The following SPTBN1 variants were observed in gnomAD, a reference collection of about 807,000 sequenced individuals.
SPTBN1 encodes spectrin beta chain, non-erythrocytic 1.
Under a neutral mutation model 266.4 loss-of-function variants are expected in SPTBN1, and 32 were observed. The observed-to-expected ratio is 0.12, with a 90% CI of 0.09 to 0.16. SPTBN1 has a LOEUF of 0.16. SPTBN1 is among the 10% of genes least tolerant of loss of function. The pLI, the probability that SPTBN1 is intolerant of heterozygous loss-of-function variation, is 1.00. For missense variants in SPTBN1, 2,296 were observed against 3,067.1 expected (o/e 0.75, Z 5.94); for synonymous variants, 1,336 against 1,162.2 (o/e 1.15, Z -3.04).
chr2:54,468,032 G>A (rs1693725903), intron 1 of SPTBN1, among the ~76,000 whole-genome samples: 1 of 152,146 alleles, frequency 6.6e-6, no homozygotes, highest in African/African-American at 2.4e-5. Flanking sequence ...TTCTCGGCCA[G>A]GTGCGGTGGC....
chr2:54,509,428 TAG>T (rs1669739946), intron 1 of SPTBN1, among the ~76,000 whole-genome samples: 3 of 152,174 alleles, frequency 2.0e-5, no homozygotes, highest in African/African-American at 7.2e-5. Context: ...ATGAGAACTA[TAG>T]AGAGTGAGTT....
Position 54,631,170 on chromosome 2 carries a change from C to T in SPTBN1, c.3123C>T (p.Ser1041=), listed in dbSNP as rs1169473134. 8 of 1,614,064 alleles carry T rather than the reference C, an allele frequency of 5.0e-6. No homozygotes were observed. Among genetic ancestry groups the T allele is most frequent in the African/African-American group, 1.3e-5 (1 of 74,932 alleles). The part of the protein sequence containing the change: ...QAILSRLAEI[S]DVWEEMKTTL... Reference sequence around the variant, plus strand: ...TCCTGTCTCGGCTGGCCGAGATCAGCGACGTGTGGGAGGAGATGAAGACCA... The same window carrying T: ...TCCTGTCTCGGCTGGCCGAGATCAGTGACGTGTGGGAGGAGATGAAGACCA... The change falls in exon 16 of 36, where the codon AGC becomes AGT. Residue 1041 remains serine (S), a synonymous_variant. Coordinates refer to ENST00000356805, the MANE Select transcript of SPTBN1 (RefSeq NM_003128.3).
chr2:54,634,615 T>C (rs1275089401), intron 17 of SPTBN1, among the ~76,000 whole-genome samples: 2 of 152,202 alleles, frequency 1.3e-5, no homozygotes, highest in East Asian at 1.9e-4. Context: ...TTGTCAGTTA[T>C]GAAAACACAC....
At chr2:54,665,798 G>T in intron 33 of SPTBN1, 117 bp from the exon 34 acceptor site, 1 of 1,205,090 alleles carries the variant, frequency 8.3e-7, no homozygotes, top group Admixed American at 2.5e-5. Context: ...TTGAGGGTTG[G>T]GTGGGGTCAC....
In SPTBN1 at chr2:54,668,704, G is replaced by A; in HGVS notation, c.*135G>A. The stretch of plus-strand genomic sequence containing the variant: ...GATTTTTTTTTTTTTTTAATTTATA[G>A]AGCATTTCGGGGGGGGTGGGGGAAA... On this transcript the variant is annotated 3_prime_UTR_variant, in exon 36 of 36. Transcript: ENST00000356805. The A allele has an allele frequency of 3.3e-6, 2 of 607,950 alleles. No homozygotes were observed. Among genetic ancestry groups the A allele is most frequent in the South Asian group, 2.0e-5 (1 of 50,592 alleles). The allele number at this position is 607,950 out of a possible 1,614,324, so 37.7% of individuals were successfully genotyped here.
intron 2 of SPTBN1, among the ~76,000 whole-genome samples, chr2:54,541,192 G>T (rs1419998620): frequency 6.6e-6 from 1 of 152,184 alleles, no homozygotes; most frequent in African/African-American, 2.4e-5. Flanking sequence ...TAAGCCTACA[G>T]ACCAAATCTA....
chr2:54,487,278 A>T (rs553077014), intron 1 of SPTBN1, among the ~76,000 whole-genome samples: 1 of 137,456 alleles, frequency 7.3e-6, no homozygotes, highest in Non-Finnish European at 1.5e-5. Flanking sequence ...AATTTTGTCT[A>T]TTATCAGAAA....
chr2:54,650,018 G>A, intron 26 of SPTBN1, 29 bp downstream of exon 26: 3 of 1,577,066 alleles, frequency 1.9e-6, no homozygotes, highest in South Asian at 1.1e-5. Flanking sequence ...CAGGGGTGCT[G>A]GGGAGGCTTT....
At chr2:54,504,403 A>C (rs530509091) in intron 1 of SPTBN1, among the ~76,000 whole-genome samples, 1 of 152,366 alleles carries the variant, frequency 6.6e-6, no homozygotes, top group South Asian at 2.1e-4. Flanking sequence ...CAGCCTAAGC[A>C]GTACAGCTGG....
rs181100845 is a variant in SPTBN1 at position 54,507,604 on chromosome 2, G to A, written c.-47-18768G>A. Among the ~76,000 whole-genome samples the A allele has an allele frequency of 3.5e-3, 531 of 152,240 alleles. 6 individuals carry two copies. The highest frequency in any genetic ancestry group is 0.012 in the African/African-American group (497 of 41,538). On this transcript the variant is annotated intron_variant, in intron 1 of 35. Coordinates refer to ENST00000356805, the MANE Select transcript of SPTBN1 (RefSeq NM_003128.3). ...ACACAAGGTCTGAATAAGAGAAGGA[G>A]AAAAACAGGTATAAAAGGACTAAGA...
At chr2:54,577,213 T>TG (rs1254723369) in intron 2 of SPTBN1, among the ~76,000 whole-genome samples, 1 of 152,218 alleles carries the variant, frequency 6.6e-6, no homozygotes, top group East Asian at 1.9e-4. Flanking sequence ...ACAAGTGACT[T>TG]GCATTTCAGT....
rs1291461717 is a variant in SPTBN1 at position 54,631,021 on chromosome 2, A to G, written c.2974A>G (p.Met992Val). 1 of 1,614,082 alleles carries G rather than the reference A, an allele frequency of 6.2e-7. No homozygotes were observed. Reference protein sequence around the residue: ...QDLGNDLAGVMALQRKLTGME... With the variant: ...QDLGNDLAGVVALQRKLTGME... ...CCTGGGCAATGACCTGGCTGGCGTC[A>G]TGGCCCTGCAGCGCAAGCTGACCGG... The change falls in exon 16 of 36, where the codon ATG becomes GTG. Residue 992 changes from methionine to valine, a missense_variant. Met to Val is a conservative substitution (Grantham distance 21). Around this residue, in one of 12 missense-constraint regions of SPTBN1, gnomAD observed 128 missense variants for 176.5 expected, o/e 0.73. Transcript: ENST00000356805.
At chr2:54,468,235 A>G (rs1693736044) in intron 1 of SPTBN1, among the ~76,000 whole-genome samples, 1 of 152,148 alleles carries the variant, frequency 6.6e-6, no homozygotes, top group African/African-American at 2.4e-5. Context: ...TGAACCCAGG[A>G]GGTGGAGGTT....
chr2:54,653,562 A>T lies in SPTBN1; in HGVS notation c.5578-47A>T. 6.3e-7 allele frequency: 1 copy of T among 1,595,804 alleles called. No homozygotes were observed. Among genetic ancestry groups the T allele is most frequent in the African/African-American group, 1.4e-5 (1 of 73,776 alleles). ...GAATAGGGCTTGGGGTGATGGTGGG[A>T]AGGCCGCCATGGGCTGACCTGGCTC... On this transcript the variant is annotated intron_variant, in intron 26 of 35. Transcript: ENST00000356805. The surrounding 1 kb of genome is among the most constrained non-coding windows in gnomAD (Gnocchi z 5.1).
In SPTBN1 at chr2:54,659,923, T is replaced by C. The variant is rs1322803673; in HGVS notation, c.6357-13T>C. The C allele has an allele frequency of 6.2e-7, 1 of 1,612,688 alleles. No individual in the cohort carries two copies. The highest frequency in any genetic ancestry group is 8.5e-7 in the Non-Finnish European group (1 of 1,178,966). On this transcript the variant is annotated splice_polypyrimidine_tract_variant and intron_variant, in intron 31 of 35. Coordinates refer to ENST00000356805, the MANE Select transcript of SPTBN1 (RefSeq NM_003128.3). ...TTCCTTTCCCTTCCTCCTTTTCCCC[T>C]CTTCCCTAACAGGGATACTTCAAAA... is the stretch of plus-strand genomic sequence containing the variant.
chr2:54,537,586 C>T (rs972106544), intron 2 of SPTBN1, among the ~76,000 whole-genome samples: 3 of 152,132 alleles, frequency 2.0e-5, no homozygotes, highest in African/African-American at 7.2e-5. Context: ...TATAGTAGGA[C>T]TTTTGGGGAA....
intron 8 of SPTBN1, 87 bp from the exon 9 acceptor site, chr2:54,622,213 T>G (rs1678034512): frequency 7.0e-7 from 1 of 1,420,262 alleles, no homozygotes; most frequent in African/African-American, 1.4e-5. Flanking sequence ...CCGGTCGTTT[T>G]GTGTGCATGC....
chr2:54,662,328 T>G (rs1681102459), intron 32 of SPTBN1: 1 of 984,960 alleles, frequency 1.0e-6, no homozygotes, highest in South Asian at 4.7e-5. Flanking sequence ...TTTTCTTGGT[T>G]AGTGATTCAT....
intron 1 of SPTBN1, among the ~76,000 whole-genome samples, chr2:54,522,995 G>A (rs1670578281): frequency 6.6e-6 from 1 of 152,048 alleles, no homozygotes; most frequent in African/African-American, 2.4e-5. Context: ...TCAGAATTTG[G>A]GATTAATAGC....
Sources: gnomAD v4.1 joint callset for allele counts (sites outside exome capture counted in the v4.1 genomes callset) on GRCh38, gnomAD v4.1.1 for gene constraint, gnomAD v4.1.1 regional missense constraint, Gnocchi (gnomAD v3.1) non-coding constraint, MANE v1.5 for transcripts, NCBI Gene and HGNC (gene_info 2026-07-23, HGNC 2026-07-21) for gene names.